Variants in PCDHA1 observed in about 807,000 individuals in gnomAD.
PCDHA1 encodes the protein protocadherin alpha 1, also known as protocadherin alpha-1.
In PCDHA1, 42 loss-of-function variants were observed where a neutral mutation model predicts 61.3. The observed-to-expected ratio is 0.69, with a 90% CI of 0.54 to 0.89. The LOEUF (loss-of-function observed/expected upper bound fraction) is 0.89, where lower values mean the gene tolerates loss of function less well. PCDHA1 is among the 40% of genes least tolerant of loss of function. The pLI is 0.00. For synonymous variants in PCDHA1, 610 were observed against 553.8 expected (o/e 1.10, Z -1.43); for missense variants, 1,256 against 1,235.3 (o/e 1.02, Z -0.25).
intron 1 of PCDHA1, among the ~76,000 whole-genome samples, chr5:140,800,837 A>G (rs1275234249): frequency 5.3e-5 from 8 of 152,234 alleles, no homozygotes; most frequent in Non-Finnish European, 8.8e-5. Context: ...CACAATTGAT[A>G]GTGAATTAGT....
chr5:140,821,706 T>A (rs1767033084), intron 1 of PCDHA1: 3 of 1,441,004 alleles, frequency 2.1e-6, no homozygotes, highest in Non-Finnish European at 1.9e-6. Flanking sequence ...TATAGTTAAT[T>A]GGGAATTGAA....
At chr5:140,809,106 C>G in intron 1 of PCDHA1, 2 of 1,613,952 alleles carry the variant, frequency 1.2e-6, no homozygotes, top group Non-Finnish European at 1.7e-6. Context: ...CTGGACGAAA[C>G]GGACGCTCCG....
chr5:140,933,064 A>G (rs2088836698), intron 1 of PCDHA1, among the ~76,000 whole-genome samples: 1 of 152,030 alleles, frequency 6.6e-6, no homozygotes, highest in African/African-American at 2.4e-5. Context: ...GATCCTGACT[A>G]AAGTATTATG....
intron 1 of PCDHA1, among the ~76,000 whole-genome samples, chr5:140,793,394 T>C (rs1761771885): frequency 6.6e-6 from 1 of 152,212 alleles, no homozygotes; most frequent in African/African-American, 2.4e-5. Context: ...GGATTTACTG[T>C]TAGAGTATGA....
Position 140,968,523 on chromosome 5 carries a change from A to T in PCDHA1, c.2395-10426A>T, listed in dbSNP as rs1441549667. ...CACATTCTGTACCCTACCTCAACCA[A>T]CTCGTCAGCAGCCTTCGAGATGGTG... On this transcript the variant is annotated intron_variant, in intron 1 of 3. Coordinates refer to ENST00000504120, the MANE Select transcript of PCDHA1 (RefSeq NM_018900.4). The T allele has an allele frequency of 1.3e-5, 21 of 1,613,762 alleles. No individual in the cohort carries two copies. Among genetic ancestry groups the T allele is most frequent in the Non-Finnish European group, 1.8e-5 (21 of 1,179,980 alleles).
At chr5:140,870,715 G>T (rs1554164627) in intron 1 of PCDHA1, 2 of 1,613,126 alleles carry the variant, frequency 1.2e-6, no homozygotes, top group East Asian at 2.2e-5. Flanking sequence ...GAGCGCGCGC[G>T]ATGCGGGCGT....
At chr5:140,972,622 T>C (rs1554234253) in intron 1 of PCDHA1, among the ~76,000 whole-genome samples, 1 of 151,940 alleles carries the variant, frequency 6.6e-6, no homozygotes, top group African/African-American at 2.4e-5. Flanking sequence ...CTGAATGTTG[T>C]TGGCACTCCC....
chr5:140,883,568 T>C, intron 1 of PCDHA1: 3 of 1,614,110 alleles, frequency 1.9e-6, no homozygotes, highest in Non-Finnish European at 2.5e-6. Context: ...GGGCTCGCCT[T>C]CGCTGTGGGC....
chr5:140,887,286 T>TG (rs1171397329), intron 1 of PCDHA1, among the ~76,000 whole-genome samples: 1 of 151,952 alleles, frequency 6.6e-6, no homozygotes, highest in Non-Finnish European at 1.5e-5. Context: ...TTAGTAGAGA[T>TG]GGGGTTTCAT....
At chr5:140,828,262 G>A in intron 1 of PCDHA1, 2 of 1,614,018 alleles carry the variant, frequency 1.2e-6, no homozygotes, top group Non-Finnish European at 8.5e-7. Context: ...TGGAGCTGGC[G>A]GAGCTGGTGC....
intron 1 of PCDHA1, chr5:140,869,581 GC>G: frequency 6.2e-7 from 1 of 1,614,134 alleles, no homozygotes; most frequent in Non-Finnish European, 8.5e-7. Flanking sequence ...AGCTTCTGAT[GC>G]TGACATTGAA....
At chr5:140,968,729 A>G (rs1563381706) in intron 1 of PCDHA1, 1 of 1,614,134 alleles carries the variant, frequency 6.2e-7, no homozygotes, top group Non-Finnish European at 8.5e-7. Flanking sequence ...GAGTGGTAGC[A>G]CTTTCAACCT....
chr5:140,916,060 C>G (rs1554197265), intron 1 of PCDHA1, among the ~76,000 whole-genome samples: 1 of 152,174 alleles, frequency 6.6e-6, no homozygotes, highest in Non-Finnish European at 1.5e-5. Flanking sequence ...GGTGCCTCTC[C>G]CTGTGGCCAG....
At position 140,849,935 on chromosome 5, in the gene PCDHA1, G is replaced by C. The variant is rs2150458512; in HGVS notation, c.2394+61251G>C. The C allele has an allele frequency of 9.4e-6, 15 of 1,598,054 alleles. 1 individual carries two copies. In the East Asian group the frequency reaches 3.1e-4, roughly 33 times the overall value. On this transcript the variant is annotated intron_variant, in intron 1 of 3. Transcript: ENST00000504120. ...GCCACATCTTCACGGTGTCTGCGCG[G>C]GACGCTGACGCGCAGGAGAACGCCC...
At chr5:140,835,237 T>C (rs1271413656) in intron 1 of PCDHA1, 1 of 1,599,540 alleles carries the variant, frequency 6.3e-7, no homozygotes, top group Non-Finnish European at 8.5e-7. Context: ...TCCAGTGATG[T>C]TTCTCCAGAT....
intron 1 of PCDHA1, chr5:140,966,932 G>A: frequency 6.2e-7 from 1 of 1,603,726 alleles, no homozygotes; most frequent in Non-Finnish European, 8.5e-7. Flanking sequence ...GGCACCCGGC[G>A]CGCTCGTGGG....
In PCDHA1 at chr5:140,786,710, A is replaced by G. The variant is rs1554117522; in HGVS notation, c.420A>G (p.Ile140Met). The G allele has an allele frequency of 6.2e-7, 1 of 1,614,048 alleles. No individual in the cohort carries two copies. Among genetic ancestry groups the G allele is most frequent in the African/African-American group, 1.3e-5 (1 of 74,916 alleles). Residue 140 changes from isoleucine to methionine, a missense_variant, in exon 1 of 4, where the codon ATA becomes ATG. Coordinates refer to ENST00000504120, the MANE Select transcript of PCDHA1 (RefSeq NM_018900.4). ...PPVFRGREQI[I>M]FIPESRLLNS... is the part of the protein sequence containing the mutation. ...TCTTCAGGGGCAGAGAACAAATAAT[A>G]TTTATTCCTGAATCTAGACTCCTGA...
chr5:140,786,888 T>G lies in PCDHA1; in HGVS notation c.598T>G (p.Leu200Val), dbSNP rs782820275. 3.1e-6 allele frequency: 5 copies of G among 1,613,986 alleles called. No homozygotes were observed. In the African/African-American group the frequency reaches 6.7e-5, roughly 22 times the overall value. ...KSLWLELRKYLDREETPELHL... is the reference protein window; with the variant it reads ...KSLWLELRKYVDREETPELHL... Reference sequence around the variant, plus strand: ...TCTTTGGCTTGAATTGAGAAAATATTTGGATAGAGAAGAAACACCAGAACT... The same window carrying G: ...TCTTTGGCTTGAATTGAGAAAATATGTGGATAGAGAAGAAACACCAGAACT... The change falls in exon 1 of 4, where the codon TTG becomes GTG. Residue 200 changes from leucine to valine, a missense_variant. Transcript: ENST00000504120.
intron 1 of PCDHA1, among the ~76,000 whole-genome samples, chr5:140,974,301 A>G (rs2096621600): frequency 6.6e-6 from 1 of 152,190 alleles, no homozygotes; most frequent in Non-Finnish European, 1.5e-5. Context: ...AGGAGGTACA[A>G]CTGTGAGTGA....
Sources: allele counts gnomAD v4.1 joint callset (sites outside exome capture counted in the v4.1 genomes callset), GRCh38; gene constraint gnomAD v4.1.1; transcripts MANE v1.5; gene names NCBI Gene and HGNC (gene_info 2026-07-23, HGNC 2026-07-21).